The following CADPS2 variants were observed in gnomAD, a reference collection of about 807,000 sequenced individuals.
CADPS2 encodes the protein calcium-dependent secretion activator 2.
A neutral mutation model predicts 172.5 loss-of-function variants in CADPS2; 93 were observed. The ratio of observed to expected loss-of-function variants is 0.54; its 90% CI spans 0.46 to 0.64. The LOEUF (loss-of-function observed/expected upper bound fraction) is 0.64. Ranked by LOEUF, CADPS2 falls within the 30% of genes least tolerant of loss-of-function variation. CADPS2 has a pLI of 0.00. For missense variants in CADPS2, 1,420 were observed against 1,565.9 expected, an observed-to-expected ratio of 0.91 and a Z score of 1.57; for synonymous variants, 546 against 555.2, an observed-to-expected ratio of 0.98 and a Z score of 0.23.
intron 8 of CADPS2, among the ~76,000 whole-genome samples, chr7:122,548,037 T>C (rs144570247): frequency 1.3e-5 from 2 of 152,238 alleles, no homozygotes; most frequent in East Asian, 1.9e-4. Context: ...ACAGTAAGTA[T>C]TGAGTCAGCT....
At chr7:122,550,996 T>C (rs1268420642) in intron 8 of CADPS2, among the ~76,000 whole-genome samples, 1 of 152,174 alleles carries the variant, frequency 6.6e-6, no homozygotes, top group Non-Finnish European at 1.5e-5. Context: ...GTTATGCTTA[T>C]TTGATCCAAA....
At chr7:122,382,691 T>C (rs561224389) in intron 24 of CADPS2, among the ~76,000 whole-genome samples, 7 of 152,154 alleles carry the variant, frequency 4.6e-5, no homozygotes, top group Non-Finnish European at 2.9e-5. Flanking sequence ...TGGTGGCTCA[T>C]GTCTGTAATC....
At chr7:122,339,655 G>A (rs544670861) in intron 28 of CADPS2, among the ~76,000 whole-genome samples, 1 of 152,306 alleles carries the variant, frequency 6.6e-6, no homozygotes, top group South Asian at 2.1e-4. Flanking sequence ...GGGAGGTGGA[G>A]GCAGACAGAT....
intron 1 of CADPS2, among the ~76,000 whole-genome samples, chr7:122,779,296 C>T (rs1792045480): frequency 6.6e-6 from 1 of 152,188 alleles, no homozygotes; most frequent in African/African-American, 2.4e-5. Context: ...GACAGCTCTA[C>T]TTCAGGCTGC....
chr7:122,671,254 A>G (rs2135554827), intron 2 of CADPS2, among the ~76,000 whole-genome samples: 1 of 152,342 alleles, frequency 6.6e-6, no homozygotes, highest in Admixed American at 6.5e-5. Flanking sequence ...AGCACCTAGC[A>G]CTAGGCTACG....
chr7:122,665,537 C>T lies in CADPS2; in HGVS notation c.454-1968G>A, dbSNP rs116212999. 3.8e-3 allele frequency among the ~76,000 whole-genome samples: 580 copies of T among 152,254 alleles called. 4 individuals are homozygous for T. Among genetic ancestry groups the T allele is most frequent in the African/African-American group, 0.013 (550 of 41,558 alleles). On this transcript the variant is annotated intron_variant, in intron 2 of 29. Transcript: ENST00000449022. ...AATGCATTTAATACACCTAACTTAC[C>T]TGAAACATGCTCAAAACACTTACAT...
intron 17 of CADPS2, among the ~76,000 whole-genome samples, chr7:122,419,762 T>C (rs561246408): frequency 6.7e-6 from 1 of 149,618 alleles, no homozygotes; most frequent in Non-Finnish European, 1.5e-5. Flanking sequence ...ATAACATGTT[T>C]TTCATAAAGA....
At chr7:122,408,147 T>C (rs2151670733) in intron 19 of CADPS2, among the ~76,000 whole-genome samples, 1 of 152,124 alleles carries the variant, frequency 6.6e-6, no homozygotes, top group East Asian at 1.9e-4. Flanking sequence ...TTTAATATAA[T>C]AGCATAATCT....
At chr7:122,357,841 T>C (rs2039615416) in intron 27 of CADPS2, among the ~76,000 whole-genome samples, 1 of 152,188 alleles carries the variant, frequency 6.6e-6, no homozygotes, top group Non-Finnish European at 1.5e-5. Context: ...AGAATTACAT[T>C]GTATGGACGT....
intron 17 of CADPS2, chr7:122,421,955 A>T (rs1481046432): frequency 6.6e-6 from 1 of 152,204 alleles, no homozygotes; most frequent in Non-Finnish European, 1.5e-5. Context: ...TCCCCCTCCC[A>T]TTCAGAGAAA....
At chr7:122,419,262 C>T (rs919979909) in intron 17 of CADPS2, among the ~76,000 whole-genome samples, 1 of 152,170 alleles carries the variant, frequency 6.6e-6, no homozygotes, top group African/African-American at 2.4e-5. Flanking sequence ...TTGCAAAGAG[C>T]TCATCTGTAT....
At chr7:122,852,618 A>G (rs1335482097) in intron 1 of CADPS2, among the ~76,000 whole-genome samples, 1 of 152,152 alleles carries the variant, frequency 6.6e-6, no homozygotes, top group Non-Finnish European at 1.5e-5. Context: ...AGGTACAGAG[A>G]ACAGTAAGAA....
intron 27 of CADPS2, among the ~76,000 whole-genome samples, chr7:122,350,893 G>A (rs1312684093): frequency 6.6e-6 from 1 of 152,042 alleles, no homozygotes. Flanking sequence ...GTCTGAGGTG[G>A]GAGGCTGCGG....
intron 2 of CADPS2, among the ~76,000 whole-genome samples, chr7:122,732,971 T>C (rs985580768): frequency 6.8e-6 from 1 of 147,222 alleles, no homozygotes; most frequent in African/African-American, 2.5e-5. Context: ...AGCTAAAGGA[T>C]TGTAAACATA....
intron 7 of CADPS2, among the ~76,000 whole-genome samples, chr7:122,564,202 A>C: frequency 6.6e-6 from 1 of 152,192 alleles, no homozygotes; most frequent in Admixed American, 6.6e-5. Flanking sequence ...ATGTACCAAA[A>C]TAACACTAAT....
At chr7:122,630,111 T>C (rs770431206) in intron 3 of CADPS2, among the ~76,000 whole-genome samples, 2 of 152,172 alleles carry the variant, frequency 1.3e-5, no homozygotes, top group South Asian at 2.1e-4. Context: ...TAATTTTCTC[T>C]TGACTTTAGT....
At chr7:122,404,139 C>T (rs2046319354) in intron 20 of CADPS2, among the ~76,000 whole-genome samples, 1 of 152,048 alleles carries the variant, frequency 6.6e-6, no homozygotes, top group Admixed American at 6.6e-5. Flanking sequence ...CTATCCCTCC[C>T]CCCTCTCCCC....
In CADPS2 at chr7:122,360,966, A is replaced by G; in HGVS notation, c.3435T>C (p.Asp1145=). The change falls in exon 26 of 30, where the codon GAT becomes GAC. Residue 1145 remains aspartate, a synonymous_variant. Coordinates refer to ENST00000449022, the MANE Select transcript of CADPS2 (RefSeq NM_017954.11). ...GAATGGATGAAAAGAAAGTGCCTTC[A>G]TCATACCTTGACAGCTTAGACAACA... The part of the protein sequence containing the change: ...EGVLSKLSRY[D]EGTFFSSILS... 1.9e-6 allele frequency: 3 copies of G among 1,613,830 alleles called. No homozygotes were observed. The highest frequency in any genetic ancestry group is 2.5e-6 in the Non-Finnish European group (3 of 1,179,818).
intron 9 of CADPS2, among the ~76,000 whole-genome samples, chr7:122,506,866 T>G (rs1156562427): frequency 6.6e-6 from 1 of 152,136 alleles, no homozygotes; most frequent in Admixed American, 6.6e-5. Flanking sequence ...AAAGAGTTAG[T>G]ATTCGGTGTA....
Sources: gnomAD v4.1 joint callset for allele counts (sites outside exome capture counted in the v4.1 genomes callset) on GRCh38, gnomAD v4.1.1 for gene constraint, MANE v1.5 for transcripts, NCBI Gene and HGNC (gene_info 2026-07-23, HGNC 2026-07-21) for gene names.